COPB1: variants seen among roughly 807,000 people sequenced by gnomAD.
COPB1 encodes coatomer subunit beta.
A neutral mutation model predicts 108.7 loss-of-function variants in COPB1; 21 were observed. That is an observed-to-expected ratio of 0.19 (90% CI 0.14 to 0.28). The LOEUF is 0.28. Among genes scored for constraint, COPB1 ranks in the 10% least tolerant of loss-of-function variants. COPB1 has a pLI of 1.00. For synonymous variants in COPB1, 378 were observed against 386.8 expected (o/e 0.98, Z 0.27); for missense variants, 919 against 1,141.3 (o/e 0.81, Z 2.81).
chr11:14,477,395 A>AAAAAAAAAAAAAAAAAAAAAAAAAC (rs1565017838), intron 11 of COPB1, among the ~76,000 whole-genome samples: 1 of 141,800 alleles, frequency 7.1e-6, no homozygotes, highest in African/African-American at 2.6e-5. Context: ...GTCTCAAAAA[A>AAAAAAAAAAAAAAAAAAAAAAAAAC]AAAAAAAAAA....
At position 14,460,255 on chromosome 11, in the gene COPB1, G is replaced by A; in HGVS notation, c.2599C>T (p.Gln867Ter). 6.2e-7 allele frequency: 1 copy of A among 1,611,548 alleles called. No individual in the cohort carries two copies. The highest frequency in any genetic ancestry group is 8.5e-7 in the Non-Finnish European group (1 of 1,178,686). Residue 867 changes from glutamine to a stop codon, truncating the protein, a stop_gained, in exon 20 of 22, where the codon CAG (glutamine) becomes TAG (stop). Coordinates refer to ENST00000439561, the MANE Select transcript of COPB1 (RefSeq NM_001144061.2). LOFTEE classifies it high-confidence loss of function. Reference sequence around the variant, plus strand: ...ATATTGGTTGACTTTAATATGTGCTGTAAGTAGTCATTTAAATCAACCATG... The same window carrying A: ...ATATTGGTTGACTTTAATATGTGCTATAAGTAGTCATTTAAATCAACCATG... ...TNMVDLNDYL[Q>*]HILKSTNMKC...
chr11:14,483,228 C>CCACACA (rs3217599), intron 7 of COPB1, 77 bp from the exon 8 acceptor site: 19,222 of 502,854 alleles, frequency 0.038, 239 homozygotes, highest in East Asian at 0.062. Flanking sequence ...CGCGCGCACA[C>CCACACA]CACACACACA....
intron 11 of COPB1, chr11:14,478,791 C>T (rs1403125563): frequency 4.6e-5 from 7 of 151,704 alleles, no homozygotes; most frequent in African/African-American, 1.7e-4. Context: ...GAATAAAGTC[C>T]TTAGTCATCT....
intron 8 of COPB1, among the ~76,000 whole-genome samples, chr11:14,481,904 T>A (rs184652584): frequency 1.3e-5 from 2 of 152,262 alleles, no homozygotes; most frequent in East Asian, 3.9e-4. Context: ...TTCTCCTGTC[T>A]CAGCCTCCTG....
intron 14 of COPB1, among the ~76,000 whole-genome samples, chr11:14,471,764 C>CA (rs1031606381): frequency 3.3e-5 from 5 of 151,734 alleles, no homozygotes; most frequent in Admixed American, 6.6e-5. Context: ...ACTAAAAATA[C>CA]AAAAAAAATT....
Position 14,473,528 on chromosome 11 carries a change from C to CTCA in COPB1, c.1737+964_1737+966dup, listed in dbSNP as rs200461566. Among the ~76,000 whole-genome samples the CTCA allele has an allele frequency of 7.6e-4, 116 of 152,130 alleles. No homozygotes were observed. In the East Asian group the frequency reaches 0.022, roughly 28 times the overall value. ...CGGCCTAATTTCAATATTGTGGTATCTCAGGGAATAGAATAGGGAGGCCCA... is the reference window on the plus strand; with the variant it reads ...CGGCCTAATTTCAATATTGTGGTATCTCATCAGGGAATAGAATAGGGAGGCCCA... On this transcript the variant is annotated intron_variant, in intron 14 of 21. Coordinates refer to ENST00000439561, the MANE Select transcript of COPB1 (RefSeq NM_001144061.2).
intron 11 of COPB1, among the ~76,000 whole-genome samples, chr11:14,477,633 G>A (rs892060663): frequency 2.6e-5 from 4 of 151,940 alleles, no homozygotes; most frequent in East Asian, 1.9e-4. Flanking sequence ...AGTGGCTCAC[G>A]CCTGTAATCC....
chr11:14,485,942 A>C (rs1378626303), intron 7 of COPB1, among the ~76,000 whole-genome samples: 2 of 152,218 alleles, frequency 1.3e-5, no homozygotes, highest in Non-Finnish European at 2.9e-5. Flanking sequence ...GAAAAGCATA[A>C]GGAAAATATT....
chr11:14,469,210 T>G, intron 15 of COPB1, 126 bp downstream of exon 15: 3 of 775,190 alleles, frequency 3.9e-6, no homozygotes, highest in Non-Finnish European at 6.6e-6. Context: ...TAGCCCACAC[T>G]GGTCTCAAAC....
At chr11:14,497,808 T>C (rs1272133808) in intron 2 of COPB1, among the ~76,000 whole-genome samples, 2 of 152,114 alleles carry the variant, frequency 1.3e-5, no homozygotes, top group Non-Finnish European at 2.9e-5. Flanking sequence ...CACCAACAGA[T>C]AAATGTATAA....
At chr11:14,458,074 ATT>A (rs748562590) in intron 21 of COPB1, among the ~76,000 whole-genome samples, 191 bp from the exon 22 acceptor site, 6 of 100,712 alleles carry the variant, frequency 6.0e-5, no homozygotes, top group Admixed American at 1.3e-4. Flanking sequence ...CCGTCACCAG[ATT>A]TTTTTTTTTT....
intron 10 of COPB1, among the ~76,000 whole-genome samples, chr11:14,480,415 T>C (rs1240080350): frequency 6.6e-6 from 1 of 152,248 alleles, no homozygotes; most frequent in African/African-American, 2.4e-5. Flanking sequence ...TTCCTATAAC[T>C]GATTCCTTTA....
At chr11:14,465,958 G>A (rs1229040038) in intron 17 of COPB1, among the ~76,000 whole-genome samples, 1 of 152,140 alleles carries the variant, frequency 6.6e-6, no homozygotes, top group Non-Finnish European at 1.5e-5. Flanking sequence ...CTGTAATGAG[G>A]CAATTAGAAA....
intron 2 of COPB1, among the ~76,000 whole-genome samples, chr11:14,496,940 T>C (rs1360623095): frequency 1.3e-5 from 2 of 152,066 alleles, no homozygotes; most frequent in African/African-American, 2.4e-5. Context: ...AGAACATACA[T>C]TGGAGAAAAG....
At chr11:14,499,674 G>A (rs1306830882) in intron 1 of COPB1, 33 bp downstream of exon 1, 1 of 150,716 alleles carries the variant, frequency 6.6e-6, no homozygotes, top group Non-Finnish European at 1.5e-5. Flanking sequence ...CTTCCAGCTA[G>A]AAAGCCAGTT....
At chr11:14,471,692 C>T (rs536693246) in intron 14 of COPB1, among the ~76,000 whole-genome samples, 26 of 152,124 alleles carry the variant, frequency 1.7e-4, no homozygotes, top group Non-Finnish European at 2.6e-4. Context: ...CCGAGGTGGG[C>T]GGATCACCTG....
intron 6 of COPB1, among the ~76,000 whole-genome samples, chr11:14,487,589 C>T (rs766372944): frequency 6.6e-5 from 10 of 151,850 alleles, no homozygotes; most frequent in South Asian, 2.1e-4. Context: ...GCAGGAGAAT[C>T]GCTTGAGCCC....
At chr11:14,463,685 GGCACTTTAATACCGAACCT>G (rs1195488772) in intron 18 of COPB1, among the ~76,000 whole-genome samples, 3 of 152,082 alleles carry the variant, frequency 2.0e-5, no homozygotes, top group Non-Finnish European at 4.4e-5. Context: ...AATATCTTTA[GGCACTTTAATACCGAACCT>G]GCTCAAGATT....
chr11:14,479,252 GA>G (rs1259432894), intron 11 of COPB1, among the ~76,000 whole-genome samples: 1 of 152,124 alleles, frequency 6.6e-6, no homozygotes, highest in Non-Finnish European at 1.5e-5. Flanking sequence ...CATTAAATGT[GA>G]AAGGAAGATA....
Sources: gnomAD v4.1 joint callset for allele counts (sites outside exome capture counted in the v4.1 genomes callset) on GRCh38, gnomAD v4.1.1 for gene constraint, MANE v1.5 for transcripts, NCBI Gene and HGNC (gene_info 2026-07-23, HGNC 2026-07-21) for gene names.